Variants in RBFOX1 observed in about 807,000 individuals in gnomAD.
RBFOX1 encodes the protein RNA binding fox-1 homolog 1, also known as RNA binding protein fox-1 homolog 1.
A neutral mutation model predicts 57.7 loss-of-function variants in RBFOX1; 8 were observed. That is an observed-to-expected ratio of 0.14 (90% confidence interval 0.08 to 0.25). The LOEUF is 0.25. RBFOX1 is among the 10% of genes least tolerant of loss of function. The pLI is 1.00. For synonymous variants in RBFOX1, 326 were observed against 222.4 expected (o/e 1.47, Z -4.15); for missense variants, 611 against 548.5 (o/e 1.11, Z -1.14).
At chr16:6,673,364 G>C (rs943840236) in intron 3 of RBFOX1, among the ~76,000 whole-genome samples, 7 of 152,058 alleles carry the variant, frequency 4.6e-5, no homozygotes, top group Admixed American at 1.3e-4. Flanking sequence ...TAGGTGGGTG[G>C]ATCACCTGAG....
intron 4 of RBFOX1, among the ~76,000 whole-genome samples, chr16:7,398,063 C>T (rs1253926936): frequency 3.3e-5 from 5 of 152,096 alleles, no homozygotes. Flanking sequence ...TAACCTCCCC[C>T]AGTTGCTCTA....
chr16:5,576,073 G>T (rs568613090), intron 2 of RBFOX1, among the ~76,000 whole-genome samples: 1 of 152,088 alleles, frequency 6.6e-6, no homozygotes, highest in African/African-American at 2.4e-5. Context: ...TGCCACTTCC[G>T]TTGCCCAGGT....
intron 5 of RBFOX1, among the ~76,000 whole-genome samples, chr16:7,558,728 C>G (rs978954433): frequency 1.3e-5 from 2 of 152,178 alleles, no homozygotes; most frequent in Non-Finnish European, 2.9e-5. Flanking sequence ...ACCGAAAAGG[C>G]TGGAGCCCTG....
At chr16:6,336,993 C>A (rs1015671141) in intron 2 of RBFOX1, among the ~76,000 whole-genome samples, 6 of 152,174 alleles carry the variant, frequency 3.9e-5, no homozygotes, top group African/African-American at 1.2e-4. Context: ...TACATTGCAA[C>A]CCTTATTCTA....
chr16:6,499,355 G>T (rs1358945694), intron 2 of RBFOX1, among the ~76,000 whole-genome samples: 1 of 151,234 alleles, frequency 6.6e-6, no homozygotes, highest in Non-Finnish European at 1.5e-5. Context: ...TTACTGTATA[G>T]ACACCACAAA....
At chr16:6,750,995 A>C (rs1283562078) in intron 3 of RBFOX1, among the ~76,000 whole-genome samples, 1 of 152,082 alleles carries the variant, frequency 6.6e-6, no homozygotes, top group Non-Finnish European at 1.5e-5. Context: ...CAAAAAGAGG[A>C]AGGATCATTA....
At chr16:7,550,162 C>G (rs2085892899) in intron 5 of RBFOX1, among the ~76,000 whole-genome samples, 1 of 152,104 alleles carries the variant, frequency 6.6e-6, no homozygotes, top group South Asian at 2.1e-4. Flanking sequence ...AACTTCTGGC[C>G]TCAGGCAATT....
rs118132927 is a variant in RBFOX1, at chr16:7,237,016, G to A, written c.27+184918G>A. Among the ~76,000 whole-genome samples, 574 of 152,306 alleles carry A rather than the reference G, an allele frequency of 3.8e-3. 5 individuals are homozygous for A. Among genetic ancestry groups the A allele is most frequent in the Non-Finnish European group, 4.0e-3 (275 of 68,018 alleles). ...AGGCAAGCCGTTCTTTCACTAGAAG[G>A]GAGAGGTTATTGCATCACCCATCAG... is the stretch of plus-strand genomic sequence containing the variant. On this transcript the variant is annotated intron_variant, in intron 4 of 15. Transcript: ENST00000550418.
intron 4 of RBFOX1, among the ~76,000 whole-genome samples, chr16:7,169,907 C>T (rs1374465813): frequency 6.6e-6 from 1 of 151,392 alleles, no homozygotes; most frequent in Non-Finnish European, 1.5e-5. Context: ...CCTATCTCTA[C>T]AAAAAAAATA....
At chr16:6,195,713 C>T (rs1215323516) in intron 1 of RBFOX1, among the ~76,000 whole-genome samples, 1 of 149,706 alleles carries the variant, frequency 6.7e-6, no homozygotes, top group Non-Finnish European at 1.5e-5. Flanking sequence ...GGGAGAAACT[C>T]TGTCTTTAAA....
chr16:6,623,072 C>A lies in RBFOX1; in HGVS notation c.-63-31531C>A, dbSNP rs145454575. Among the ~76,000 whole-genome samples the A allele has an allele frequency of 3.2e-4, 49 of 152,290 alleles. 1 individual carries two copies. The highest frequency in any genetic ancestry group is 1.2e-3 in the African/African-American group (48 of 41,566). On this transcript the variant is annotated intron_variant, in intron 2 of 15. Transcript: ENST00000550418. ...GTCAGTCCGCCATCGACATATATTG[C>A]AAATTACCTGCTGTGTCCCTTGAAG...
chr16:7,527,338 A>G (rs561643866), intron 5 of RBFOX1, among the ~76,000 whole-genome samples: 1 of 152,102 alleles, frequency 6.6e-6, no homozygotes, highest in Non-Finnish European at 1.5e-5. Context: ...TTATTATTTT[A>G]AAGACCCTGG....
At chr16:7,241,746 C>A (rs978679907) in intron 4 of RBFOX1, among the ~76,000 whole-genome samples, 1 of 152,032 alleles carries the variant, frequency 6.6e-6, no homozygotes, top group East Asian at 1.9e-4. Flanking sequence ...AACACACACA[C>A]ATGCCCATTT....
At chr16:6,385,986 A>G (rs923631971) in intron 2 of RBFOX1, among the ~76,000 whole-genome samples, 1 of 146,656 alleles carries the variant, frequency 6.8e-6, no homozygotes, top group Non-Finnish European at 1.5e-5. Flanking sequence ...CCCAGGCTGG[A>G]GTGCAGTGGC....
chr16:5,244,238 G>A (rs2062239401), intron 1 of RBFOX1, among the ~76,000 whole-genome samples: 1 of 152,214 alleles, frequency 6.6e-6, no homozygotes, highest in Non-Finnish European at 1.5e-5. Context: ...AAATACTTGG[G>A]CAATATCTTT....
chr16:5,804,202 A>C (rs2055155443), intron 3 of RBFOX1, among the ~76,000 whole-genome samples: 1 of 152,184 alleles, frequency 6.6e-6, no homozygotes, highest in African/African-American at 2.4e-5. Flanking sequence ...TTGTTCAGTA[A>C]ATGTTAGTGA....
intron 4 of RBFOX1, among the ~76,000 whole-genome samples, chr16:7,490,298 C>A (rs2066588174): frequency 6.6e-6 from 1 of 152,200 alleles, no homozygotes; most frequent in Non-Finnish European, 1.5e-5. Flanking sequence ...AGTTTCTGAT[C>A]TTGGAGCTGC....
intron 2 of RBFOX1, among the ~76,000 whole-genome samples, chr16:6,569,579 G>A (rs1175972189): frequency 6.6e-6 from 1 of 152,196 alleles, no homozygotes; most frequent in Non-Finnish European, 1.5e-5. Flanking sequence ...CTGTAATTGG[G>A]TTAAATAGTT....
chr16:7,546,014 TA>T (rs71150312), intron 5 of RBFOX1, among the ~76,000 whole-genome samples: 32 of 134,124 alleles, frequency 2.4e-4, no homozygotes, highest in Admixed American at 6.0e-4. Flanking sequence ...TCTGAGCTTA[TA>T]AAAAAAAAAA....
Sources: gnomAD v4.1 joint callset for allele counts (sites outside exome capture counted in the v4.1 genomes callset) on GRCh38, gnomAD v4.1.1 for gene constraint, MANE v1.5 for transcripts, NCBI Gene and HGNC (gene_info 2026-07-23, HGNC 2026-07-21) for gene names.